ASNS: variants seen among roughly 807,000 people sequenced by gnomAD.
ASNS encodes the protein asparagine synthetase [glutamine-hydrolyzing].
ASNS carries 37 observed loss-of-function variants against 62.6 expected under a neutral mutation model. The observed-to-expected ratio is 0.59, with a 90% CI of 0.45 to 0.78. The LOEUF is 0.78. ASNS is among the 30% of genes least tolerant of loss of function. The probability of loss-of-function intolerance (pLI) is 0.00; values close to 1 mark genes in which losing one functional copy is unlikely to be tolerated. For missense variants in ASNS, 520 were observed against 682.4 expected, an observed-to-expected ratio of 0.76 and a Z score of 2.65; for synonymous variants, 207 against 237.9, an observed-to-expected ratio of 0.87 and a Z score of 1.19.
At chr7:97,887,684 T>C in the ASNS span, among the ~76,000 whole-genome samples, 3 of 152,206 alleles carry the variant, frequency 2.0e-5, no homozygotes, top group Non-Finnish European at 4.4e-5. Flanking sequence ...TCATGCTAGA[T>C]TGACCAATCC....
At chr7:97,884,498 A>G in the ASNS span, among the ~76,000 whole-genome samples, 2 of 152,218 alleles carry the variant, frequency 1.3e-5, no homozygotes, top group East Asian at 3.9e-4. Context: ...GCCGTGAGCC[A>G]AGGTCGCACC....
chr7:97,893,375 A>C, the ASNS span, among the ~76,000 whole-genome samples: 1 of 152,276 alleles, frequency 6.6e-6, no homozygotes, highest in African/African-American at 2.4e-5. Context: ...GACAGGAATA[A>C]GTCCTCACCT....
the ASNS span, among the ~76,000 whole-genome samples, chr7:97,883,638 T>G: frequency 6.6e-6 from 1 of 152,180 alleles, no homozygotes; most frequent in Non-Finnish European, 1.5e-5. Flanking sequence ...CTTCAGAAGG[T>G]GCATCCAAAC....
the ASNS span, among the ~76,000 whole-genome samples, chr7:97,899,935 C>T: frequency 6.6e-6 from 1 of 152,142 alleles, no homozygotes; most frequent in Admixed American, 6.5e-5. Context: ...TATTGCGCAT[C>T]TCCAAGGAAG....
chr7:97,912,440 A>T, the ASNS span, among the ~76,000 whole-genome samples: 5 of 152,020 alleles, frequency 3.3e-5, no homozygotes, highest in African/African-American at 1.2e-4. Flanking sequence ...GACCCTGTAA[A>T]CAGGGAGACG....
At chr7:97,858,981 A>G (rs769810785) in intron 5 of ASNS, 26 bp from the exon 6 acceptor site, 1 of 1,578,244 alleles carries the variant, frequency 6.3e-7, no homozygotes, top group Non-Finnish European at 8.6e-7. Context: ...TAAATCAAAC[A>G]GCTCCAGAAA....
chr7:97,852,984 A>G, intron 12 of ASNS, 76 bp downstream of exon 12: 1 of 1,385,278 alleles, frequency 7.2e-7, no homozygotes, highest in Non-Finnish European at 9.6e-7. Context: ...ATTCAAACTA[A>G]ATACAAAATG....
upstream of ASNS, among the ~76,000 whole-genome samples, chr7:97,876,877 C>T (rs528217287): frequency 0.019 from 2,868 of 152,180 alleles, 36 homozygotes; most frequent in Non-Finnish European, 0.029. Flanking sequence ...TTAGTGGACG[C>T]TGTAATGACT....
chr7:97,861,829 C>T (rs7811643), intron 4 of ASNS, among the ~76,000 whole-genome samples: 18,696 of 152,212 alleles, frequency 0.12, 1,183 homozygotes, highest in South Asian at 0.2. Flanking sequence ...TAGATCTCCT[C>T]TCATTTCTTT....
chr7:97,904,388 A>C, the ASNS span, among the ~76,000 whole-genome samples: 3 of 151,706 alleles, frequency 2.0e-5, no homozygotes, highest in Non-Finnish European at 4.4e-5. Context: ...ACAACTCCTA[A>C]ATCTTGGTAA....
the ASNS span, among the ~76,000 whole-genome samples, chr7:97,903,495 A>G: frequency 6.6e-6 from 1 of 152,196 alleles, no homozygotes; most frequent in Non-Finnish European, 1.5e-5. Context: ...AAACTCCACC[A>G]TAAAAGCACG....
rs187441560 is a variant in ASNS, at chr7:97,851,949, G to A, written c.*310C>T. 8.4e-4 allele frequency: 286 copies of A among 338,462 alleles called. 3 individuals carry two copies. The East Asian group carries it at 9.5e-3, about 11-fold the overall frequency. 21.0% of individuals were successfully genotyped at this position (338,462 alleles called of 1,614,324 possible). On this transcript the variant is annotated 3_prime_UTR_variant, in exon 13 of 13. Transcript: ENST00000394308. ...GGCAAGGACTGGAAGGAAGCCACAC[G>A]GGCACAAGATGCAAATGTCATCTAA...
the ASNS span, among the ~76,000 whole-genome samples, chr7:97,900,821 C>T: frequency 5.3e-5 from 8 of 151,978 alleles, no homozygotes; most frequent in Non-Finnish European, 1.2e-4. Context: ...GGGATTTGCA[C>T]GTATAATCTT....
chr7:97,890,568 T>C, the ASNS span, among the ~76,000 whole-genome samples: 51 of 152,236 alleles, frequency 3.4e-4, no homozygotes, highest in African/African-American at 1.1e-3. Context: ...AAAAATACTA[T>C]ATCCAGCAAA....
At chr7:97,906,484 C>A in the ASNS span, 1 of 184,366 alleles carries the variant, frequency 5.4e-6, no homozygotes, top group Non-Finnish European at 1.1e-5. Context: ...TTCACATACT[C>A]CTGGTGTTCT....
the ASNS span, among the ~76,000 whole-genome samples, chr7:97,917,747 C>A: frequency 6.6e-6 from 1 of 152,212 alleles, no homozygotes. Flanking sequence ...AGGGGTGGCT[C>A]TGGGCTTGGC....
chr7:97,877,205 C>T (rs9767862), upstream of ASNS, among the ~76,000 whole-genome samples: 13 of 145,686 alleles, frequency 8.9e-5, no homozygotes, highest in South Asian at 4.4e-4. Context: ...AGTGATTCCC[C>T]TGCCTCAGCC....
intron 12 of ASNS, 115 bp from the exon 13 acceptor site, chr7:97,852,583 C>A: frequency 1.0e-6 from 1 of 987,534 alleles, no homozygotes; most frequent in Non-Finnish European, 1.5e-6. Context: ...TGTATGAGAC[C>A]CTTTGAATCA....
chr7:97,918,765 C>A, the ASNS span, among the ~76,000 whole-genome samples: 1 of 152,036 alleles, frequency 6.6e-6, no homozygotes, highest in Non-Finnish European at 1.5e-5. Flanking sequence ...ACATCACACA[C>A]CGGGTCCCGT....
Sources: allele counts gnomAD v4.1 joint callset (sites outside exome capture counted in the v4.1 genomes callset), GRCh38; gene constraint gnomAD v4.1.1; transcripts MANE v1.5; gene names NCBI Gene and HGNC (gene_info 2026-07-23, HGNC 2026-07-21).